Variants in GSG1L observed in about 807,000 individuals in gnomAD.
The protein encoded by GSG1L is GSG1 like, also known as germ cell-specific gene 1-like protein.
Under a neutral mutation model 42.1 loss-of-function variants are expected in GSG1L, and 24 were observed. The observed-to-expected ratio is 0.57, with a 90% CI of 0.41 to 0.80. GSG1L has a LOEUF of 0.80. GSG1L is among the 30% of genes least tolerant of loss of function. The pLI, the probability that GSG1L is intolerant of heterozygous loss-of-function variation, is 0.00. For missense variants in GSG1L, 445 were observed against 472.2 expected (o/e 0.94, Z 0.53); for synonymous variants, 215 against 203.5 (o/e 1.06, Z -0.48).
intron 2 of GSG1L, among the ~76,000 whole-genome samples, chr16:27,958,435 A>AAACT (rs1005144433): frequency 6.6e-6 from 1 of 151,568 alleles, no homozygotes; most frequent in Non-Finnish European, 1.5e-5. Flanking sequence ...AAAGAAAAGA[A>AAACT]AACTATATCA....
rs191193453 is a variant in GSG1L at position 27,824,192 on chromosome 16, G to A, written c.830+4597C>T. 4.6e-5 allele frequency among the ~76,000 whole-genome samples: 7 copies of A among 152,324 alleles called. No homozygotes were observed. In the East Asian group the frequency reaches 1.3e-3, roughly 29 times the overall value. ...ATGTGCCAGGCACTTGGCGCGGCAT[G>A]TCACATGGGTTTTCAAATTTGAGCC... On this transcript the variant is annotated intron_variant, in intron 5 of 6. Coordinates refer to ENST00000447459, the MANE Select transcript of GSG1L (RefSeq NM_001109763.2).
intron 1 of GSG1L, among the ~76,000 whole-genome samples, chr16:28,001,996 G>A (rs2085582897): frequency 6.6e-6 from 1 of 152,168 alleles, no homozygotes; most frequent in African/African-American, 2.4e-5. Flanking sequence ...CAAACTCCTG[G>A]CAGTCTAACT....
intron 1 of GSG1L, among the ~76,000 whole-genome samples, chr16:28,054,638 TAATAATAAAATAA>T (rs1264669603): frequency 3.3e-5 from 5 of 151,438 alleles, no homozygotes; most frequent in South Asian, 2.1e-4. Flanking sequence ...CAAAAAATAA[TAATAATAAAATAA>T]AATAATAAAA....
chr16:28,008,215 G>A (rs1453594468), intron 1 of GSG1L, among the ~76,000 whole-genome samples: 3 of 152,124 alleles, frequency 2.0e-5, no homozygotes, highest in Non-Finnish European at 4.4e-5. Context: ...GAGTAGCTGG[G>A]ACTACAGGTG....
At chr16:27,869,115 G>GCAGTCTTGCTGATTCCATGTCCAGCCA (rs2083769853) in intron 3 of GSG1L, among the ~76,000 whole-genome samples, 3 of 147,716 alleles carry the variant, frequency 2.0e-5, no homozygotes, top group African/African-American at 8.1e-5. Flanking sequence ...CAGAGCTGGG[G>GCAGTCTTGCTGATTCCATGTCCAGCCA]GTCTCCTGCA....
intron 2 of GSG1L, among the ~76,000 whole-genome samples, chr16:27,916,155 G>T (rs1422104383): frequency 6.6e-6 from 1 of 152,104 alleles, no homozygotes; most frequent in Non-Finnish European, 1.5e-5. Flanking sequence ...GCTGAAGGTG[G>T]AACCAACTCT....
At chr16:28,058,179 G>A (rs140303223) in intron 1 of GSG1L, among the ~76,000 whole-genome samples, 150 of 152,270 alleles carry the variant, frequency 9.9e-4, no homozygotes, top group African/African-American at 3.3e-3. Context: ...GCCAGGCTCC[G>A]GAGCCTCCCG....
At chr16:27,989,098 A>T (rs964676628) in intron 1 of GSG1L, among the ~76,000 whole-genome samples, 2 of 151,902 alleles carry the variant, frequency 1.3e-5, no homozygotes, top group Non-Finnish European at 2.9e-5. Flanking sequence ...AAAGAAAAAA[A>T]GGAGAGAAGG....
chr16:27,965,508 A>G (rs4788017), intron 1 of GSG1L, among the ~76,000 whole-genome samples: 36,949 of 152,072 alleles, frequency 0.24, 4,984 homozygotes, highest in East Asian at 0.49. Context: ...TACAAATAGA[A>G]GAAGCTCACT....
intron 2 of GSG1L, among the ~76,000 whole-genome samples, chr16:27,950,720 C>T (rs1010006202): frequency 2.6e-5 from 4 of 152,146 alleles, no homozygotes; most frequent in Non-Finnish European, 5.9e-5. Flanking sequence ...CCCTTCCTTC[C>T]ACCCTTCAGT....
chr16:27,795,110 G>A (rs900518595), intron 6 of GSG1L, among the ~76,000 whole-genome samples: 5 of 152,088 alleles, frequency 3.3e-5, no homozygotes, highest in Non-Finnish European at 5.9e-5. Context: ...CAGGGCCAGG[G>A]TCTGCTTCAT....
At chr16:28,027,169 T>G (rs746632961) in intron 1 of GSG1L, among the ~76,000 whole-genome samples, 3 of 152,212 alleles carry the variant, frequency 2.0e-5, no homozygotes, top group Non-Finnish European at 4.4e-5. Context: ...CTCCATCCTC[T>G]TCTCTCCCCT....
At chr16:28,004,397 C>G (rs1006033534) in intron 1 of GSG1L, among the ~76,000 whole-genome samples, 2 of 149,724 alleles carry the variant, frequency 1.3e-5, no homozygotes, top group African/African-American at 4.9e-5. Flanking sequence ...TCAATAGGAG[C>G]TGAGGGCCAG....
chr16:27,837,263 CA>C (rs2083331314), intron 4 of GSG1L, among the ~76,000 whole-genome samples: 1 of 152,234 alleles, frequency 6.6e-6, no homozygotes, highest in Non-Finnish European at 1.5e-5. Flanking sequence ...AACTCACTAT[CA>C]CAAGAACAGC....
intron 1 of GSG1L, among the ~76,000 whole-genome samples, chr16:28,046,620 C>T (rs1271496505): frequency 6.6e-6 from 1 of 152,116 alleles, no homozygotes; most frequent in Non-Finnish European, 1.5e-5. Context: ...TCCCAAAGTG[C>T]TGGGATTACA....
At chr16:27,862,843 G>C (rs1320890647) in intron 3 of GSG1L, among the ~76,000 whole-genome samples, 4 of 152,146 alleles carry the variant, frequency 2.6e-5, no homozygotes, top group African/African-American at 7.2e-5. Flanking sequence ...TTTGAAAACA[G>C]AGCAGGCTGA....
chr16:27,887,086 G>A (rs919776238), intron 2 of GSG1L, among the ~76,000 whole-genome samples: 1 of 152,006 alleles, frequency 6.6e-6, no homozygotes, highest in Non-Finnish European at 1.5e-5. Context: ...CTCCTGAGTA[G>A]CTGGGACTAC....
At chr16:28,010,140 C>T (rs1180954491) in intron 1 of GSG1L, among the ~76,000 whole-genome samples, 1 of 152,134 alleles carries the variant, frequency 6.6e-6, no homozygotes, top group Non-Finnish European at 1.5e-5. Context: ...GGAAGAGGGG[C>T]CAGGAGGATG....
At chr16:28,002,702 G>A (rs577873785) in intron 1 of GSG1L, among the ~76,000 whole-genome samples, 56 of 152,126 alleles carry the variant, frequency 3.7e-4, no homozygotes, top group African/African-American at 1.1e-3. Context: ...AGGCCGAGGC[G>A]GGAGGACCAG....
Sources: gnomAD v4.1 joint callset for allele counts (sites outside exome capture counted in the v4.1 genomes callset) on GRCh38, gnomAD v4.1.1 for gene constraint, MANE v1.5 for transcripts, NCBI Gene and HGNC (gene_info 2026-07-23, HGNC 2026-07-21) for gene names.